NPAS3: variants seen among roughly 807,000 people sequenced by gnomAD.
The protein encoded by NPAS3 is neuronal PAS domain protein 3, also known as neuronal PAS domain-containing protein 3.
Under a neutral mutation model 73.1 loss-of-function variants are expected in NPAS3, and 14 were observed. The ratio of observed to expected loss-of-function variants is 0.19; its 90% CI spans 0.13 to 0.30. The LOEUF is 0.30. Among genes scored for constraint, NPAS3 ranks in the 10% least tolerant of loss-of-function variants. The pLI, the probability that NPAS3 is intolerant of heterozygous loss-of-function variation, is 1.00. For missense variants in NPAS3, 1,096 were observed against 1,250.0 expected (o/e 0.88, Z 1.86); for synonymous variants, 620 against 541.5 (o/e 1.14, Z -2.01).
At chr14:33,608,616 T>TG (rs1281128498) in intron 5 of NPAS3, 1 of 152,216 alleles carries the variant, frequency 6.6e-6, no homozygotes, top group Non-Finnish European at 1.5e-5. Flanking sequence ...ACCAATGTAG[T>TG]GGGACCCAGT....
intron 3 of NPAS3, among the ~76,000 whole-genome samples, chr14:33,241,602 T>TA: frequency 6.6e-6 from 1 of 152,128 alleles, no homozygotes; most frequent in South Asian, 2.1e-4. Context: ...GTAATGTCCT[T>TA]AATAATCTTG....
At chr14:33,235,185 A>T (rs1391678022) in intron 3 of NPAS3, among the ~76,000 whole-genome samples, 1 of 152,148 alleles carries the variant, frequency 6.6e-6, no homozygotes, top group Non-Finnish European at 1.5e-5. Context: ...TCCTCCTGCC[A>T]TAGATGCCTT....
intron 1 of NPAS3, among the ~76,000 whole-genome samples, chr14:32,997,748 C>A (rs1362010612): frequency 3.4e-5 from 5 of 148,040 alleles, no homozygotes; most frequent in African/African-American, 1.3e-4. Context: ...CACGGTGAAA[C>A]CCCGTCTCTA....
intron 1 of NPAS3, among the ~76,000 whole-genome samples, chr14:32,948,732 C>T (rs146264141): frequency 5.9e-5 from 9 of 152,218 alleles, no homozygotes; most frequent in African/African-American, 2.2e-4. Flanking sequence ...TTAACTGCAA[C>T]CTTTGTTTTA....
chr14:33,209,862 G>A (rs971642381), intron 2 of NPAS3, among the ~76,000 whole-genome samples: 1 of 152,190 alleles, frequency 6.6e-6, no homozygotes, highest in African/African-American at 2.4e-5. Flanking sequence ...ACGTGAAGGT[G>A]TTATGTGTTC....
intron 4 of NPAS3, among the ~76,000 whole-genome samples, chr14:33,392,422 T>C (rs1322617885): frequency 6.6e-6 from 1 of 152,176 alleles, no homozygotes; most frequent in Non-Finnish European, 1.5e-5. Context: ...ATGATGAATA[T>C]AGGATCTGTA....
In NPAS3 at chr14:33,769,500, GCCATCTGGGCC is replaced by G. The variant is rs554121241; in HGVS notation, c.853-4830_853-4820del. ...ATTGCCAATTTCCATTGATTGTACT[GCCATCTGGGCC>G]CCATCTCTGTCTTTTCTCCTGCTGA... On this transcript the variant is annotated intron_variant, in intron 7 of 11. Transcript: ENST00000356141. Among the ~76,000 whole-genome samples the G allele has an allele frequency of 5.3e-4, 80 of 152,224 alleles. 1 individual carries two copies. Among genetic ancestry groups the G allele is most frequent in the East Asian group, 3.3e-3 (17 of 5,180 alleles).
chr14:33,543,993 A>ATATC (rs1566988604), intron 4 of NPAS3, among the ~76,000 whole-genome samples: 3 of 59,328 alleles, frequency 5.1e-5, no homozygotes, highest in Non-Finnish European at 9.1e-5. Flanking sequence ...ATATATATAT[A>ATATC]TATATATATC....
At chr14:33,447,231 T>C (rs769246348) in intron 4 of NPAS3, among the ~76,000 whole-genome samples, 12 of 152,336 alleles carry the variant, frequency 7.9e-5, no homozygotes, top group Middle Eastern at 3.4e-3. Context: ...GCTAAGTTTT[T>C]ATGGGTGGGT....
At chr14:33,606,558 C>A (rs1382787826) in intron 5 of NPAS3, among the ~76,000 whole-genome samples, 4 of 152,084 alleles carry the variant, frequency 2.6e-5, no homozygotes, top group African/African-American at 9.7e-5. Flanking sequence ...GAAAAAAACC[C>A]TTTGATCCAT....
At chr14:33,545,416 C>T (rs1046647452) in intron 4 of NPAS3, among the ~76,000 whole-genome samples, 3 of 152,136 alleles carry the variant, frequency 2.0e-5, no homozygotes, top group South Asian at 2.1e-4. Flanking sequence ...GACACTTTTA[C>T]GTGTGTTAAC....
chr14:33,118,534 G>A (rs1566578911), intron 2 of NPAS3, among the ~76,000 whole-genome samples: 1 of 152,074 alleles, frequency 6.6e-6, no homozygotes, highest in Non-Finnish European at 1.5e-5. Flanking sequence ...TCTTATATGG[G>A]ATAGGCAAGT....
chr14:33,020,816 G>A (rs564704944), intron 1 of NPAS3, among the ~76,000 whole-genome samples: 4 of 151,720 alleles, frequency 2.6e-5, no homozygotes, highest in African/African-American at 7.3e-5. Context: ...GCTGGAGTGC[G>A]GTGGCGTGAT....
chr14:33,513,048 T>C (rs2053132950), intron 4 of NPAS3, among the ~76,000 whole-genome samples: 1 of 152,062 alleles, frequency 6.6e-6, no homozygotes, highest in South Asian at 2.1e-4. Flanking sequence ...GAAAAGCCAA[T>C]ATCCTTAGCA....
chr14:33,146,801 G>A (rs917285323), intron 2 of NPAS3, among the ~76,000 whole-genome samples: 32 of 152,152 alleles, frequency 2.1e-4, no homozygotes, highest in African/African-American at 6.5e-4. Flanking sequence ...GAGGTTTACC[G>A]AAGGGCAGGA....
At position 33,747,750 on chromosome 14, in the gene NPAS3, T is replaced by G. The variant is rs529590131; in HGVS notation, c.852+12418T>G. Among the ~76,000 whole-genome samples, 3 of 152,322 alleles carry G rather than the reference T, an allele frequency of 2.0e-5. No individual in the cohort carries two copies. The East Asian group carries it at 5.8e-4, about 29-fold the overall frequency. ...GTCTATGGAAACAAAAGTTATCCCT[T>G]GACTTACAGCAGCATTTACATATCC... On this transcript the variant is annotated intron_variant, in intron 7 of 11. Coordinates refer to ENST00000356141, the Ensembl canonical transcript of NPAS3.
At chr14:33,187,978 C>G (rs1339516555) in intron 2 of NPAS3, among the ~76,000 whole-genome samples, 1 of 152,056 alleles carries the variant, frequency 6.6e-6, no homozygotes, top group African/African-American at 2.4e-5. Context: ...GATATTAATT[C>G]CATTTTGCAA....
chr14:33,727,445 T>C (rs1386053921), intron 6 of NPAS3, among the ~76,000 whole-genome samples: 2 of 152,102 alleles, frequency 1.3e-5, no homozygotes, highest in Admixed American at 1.3e-4. Context: ...ATGTTCTCTG[T>C]GTTAGCTATT....
intron 5 of NPAS3, among the ~76,000 whole-genome samples, chr14:33,619,370 G>A (rs1259435873): frequency 6.6e-6 from 1 of 151,982 alleles, no homozygotes; most frequent in Admixed American, 6.6e-5. Context: ...AAGTAGACTG[G>A]ACGAATAGGT....
Sources: allele counts gnomAD v4.1 joint callset (sites outside exome capture counted in the v4.1 genomes callset), GRCh38; gene constraint gnomAD v4.1.1; transcripts MANE v1.5; gene names NCBI Gene and HGNC (gene_info 2026-07-23, HGNC 2026-07-21).